The following GPC5 variants were observed in gnomAD, a reference collection of about 807,000 sequenced individuals.
GPC5 encodes the protein glypican 5.
A neutral mutation model predicts 53.9 loss-of-function variants in GPC5; 47 were observed. That is an observed-to-expected ratio of 0.87 (90% CI 0.69 to 1.11). GPC5 has a LOEUF of 1.11. GPC5 is among the 50% of genes most tolerant of loss of function. GPC5 has a pLI of 0.00. For synonymous variants in GPC5, 286 were observed against 263.3 expected (o/e 1.09, Z -0.84); for missense variants, 748 against 713.1 (o/e 1.05, Z -0.56).
At chr13:91,801,802 G>A (rs1440167234) in intron 5 of GPC5, among the ~76,000 whole-genome samples, 1 of 152,132 alleles carries the variant, frequency 6.6e-6, no homozygotes, top group Non-Finnish European at 1.5e-5. Flanking sequence ...ATAGTTAGTT[G>A]CACCAGTATT....
At chr13:92,584,268 C>A (rs1487879675) in intron 7 of GPC5, among the ~76,000 whole-genome samples, 1 of 152,058 alleles carries the variant, frequency 6.6e-6, no homozygotes, top group Non-Finnish European at 1.5e-5. Flanking sequence ...AACCAAAAGC[C>A]TGATAGTGAT....
At chr13:91,489,516 T>C (rs939909839) in intron 2 of GPC5, among the ~76,000 whole-genome samples, 5 of 152,054 alleles carry the variant, frequency 3.3e-5, no homozygotes, top group Non-Finnish European at 5.9e-5. Flanking sequence ...TTAATAAATA[T>C]GGTTAAGTTA....
intron 2 of GPC5, among the ~76,000 whole-genome samples, chr13:91,482,386 G>A (rs1488676506): frequency 6.6e-6 from 1 of 152,168 alleles, no homozygotes; most frequent in East Asian, 1.9e-4. Flanking sequence ...CTCTAGTACT[G>A]TGAGGAATAC....
intron 7 of GPC5, among the ~76,000 whole-genome samples, chr13:92,237,090 A>C (rs2042576098): frequency 6.6e-6 from 1 of 152,178 alleles, no homozygotes. Flanking sequence ...GGGAACTGAC[A>C]TCATGTTCTG....
At chr13:92,285,798 A>G (rs896542550) in intron 7 of GPC5, among the ~76,000 whole-genome samples, 11 of 152,182 alleles carry the variant, frequency 7.2e-5, no homozygotes, top group Non-Finnish European at 1.2e-4. Context: ...CTAGAAGAAA[A>G]CCTAGGCAAC....
At chr13:91,511,315 T>C (rs575791384) in intron 2 of GPC5, among the ~76,000 whole-genome samples, 5 of 152,196 alleles carry the variant, frequency 3.3e-5, no homozygotes, top group Non-Finnish European at 5.9e-5. Context: ...TATATTTTCT[T>C]TCTCTTTGGT....
intron 7 of GPC5, among the ~76,000 whole-genome samples, chr13:92,423,078 C>A (rs1876655530): frequency 6.6e-6 from 1 of 151,088 alleles, no homozygotes; most frequent in Non-Finnish European, 1.5e-5. Context: ...CTTCCTGGTT[C>A]ATAGATGACT....
intron 2 of GPC5, among the ~76,000 whole-genome samples, chr13:91,467,773 C>A (rs898868659): frequency 1.3e-5 from 2 of 152,096 alleles, no homozygotes; most frequent in Non-Finnish European, 2.9e-5. Context: ...AAGTTGTCTT[C>A]TTGGCAATGA....
chr13:91,616,283 C>T (rs978136368), intron 2 of GPC5, among the ~76,000 whole-genome samples: 5 of 151,796 alleles, frequency 3.3e-5, no homozygotes, highest in Admixed American at 3.3e-4. Flanking sequence ...CTCTTATGAA[C>T]TATTTAAAGA....
intron 6 of GPC5, among the ~76,000 whole-genome samples, chr13:92,127,515 G>T (rs1397653919): frequency 6.6e-6 from 1 of 152,080 alleles, no homozygotes; most frequent in Non-Finnish European, 1.5e-5. Flanking sequence ...AGGGTTCAAG[G>T]AGTAGAAACA....
intron 4 of GPC5, among the ~76,000 whole-genome samples, chr13:91,732,595 G>T (rs2036725063): frequency 1.3e-5 from 2 of 151,844 alleles, no homozygotes; most frequent in Admixed American, 1.3e-4. Flanking sequence ...GATGTCTTTG[G>T]CCATGCCTAT....
intron 7 of GPC5, among the ~76,000 whole-genome samples, chr13:92,590,521 C>G (rs149852528): frequency 5.5e-4 from 84 of 152,332 alleles, no homozygotes; most frequent in African/African-American, 1.9e-3. Context: ...CACTGCTTTT[C>G]TCATGGTGGT....
Position 91,739,009 on chromosome 13 carries a change from C to T in GPC5, c.1154+10344C>T, listed in dbSNP as rs148906613. 7.2e-3 allele frequency among the ~76,000 whole-genome samples: 1,089 copies of T among 151,452 alleles called. 26 individuals carry two copies. Among genetic ancestry groups the T allele is most frequent in the Admixed American group, 6.6e-3 (100 of 15,262 alleles). On this transcript the variant is annotated intron_variant, in intron 4 of 7. Transcript: ENST00000377067. ...TTAGTATAGCTTTTGTTGATTATTACAGGTGATGAATTTTTGCAGCTTTCA... is the reference window on the plus strand; with the variant it reads ...TTAGTATAGCTTTTGTTGATTATTATAGGTGATGAATTTTTGCAGCTTTCA...
chr13:91,496,846 G>T (rs144092409), intron 2 of GPC5, among the ~76,000 whole-genome samples: 3 of 152,076 alleles, frequency 2.0e-5, no homozygotes, highest in Non-Finnish European at 2.9e-5. Context: ...TGATGTGAAT[G>T]TTACACATTG....
Position 92,238,579 on chromosome 13 carries a change from T to A in GPC5, c.1561+93590T>A, listed in dbSNP as rs147793177. ...TCTTTTTGTTATGGAGTTATAAGAG[T>A]CCTTATGTATTCTAGACACAAGTCC... On this transcript the variant is annotated intron_variant, in intron 7 of 7. Coordinates refer to ENST00000377067, the MANE Select transcript of GPC5 (RefSeq NM_004466.6). 3.4e-3 allele frequency among the ~76,000 whole-genome samples: 517 copies of A among 152,160 alleles called. 6 individuals carry two copies. The highest frequency in any genetic ancestry group is 0.012 in the African/African-American group (503 of 41,544).
intron 7 of GPC5, among the ~76,000 whole-genome samples, chr13:92,439,744 C>T (rs1877471270): frequency 6.6e-6 from 1 of 152,040 alleles, no homozygotes; most frequent in Admixed American, 6.6e-5. Flanking sequence ...ATTTAGTTGA[C>T]CTCAAAATTA....
intron 6 of GPC5, among the ~76,000 whole-genome samples, chr13:91,987,112 C>T (rs111860254): frequency 0.026 from 3,967 of 152,254 alleles, 176 homozygotes; most frequent in African/African-American, 0.09. Flanking sequence ...GACGTTATGG[C>T]AAGGAATGTG....
intron 2 of GPC5, among the ~76,000 whole-genome samples, chr13:91,534,439 A>G (rs1886493692): frequency 6.6e-6 from 1 of 152,220 alleles, no homozygotes; most frequent in African/African-American, 2.4e-5. Flanking sequence ...TTTATAATGT[A>G]AAGTGTTTGA....
At chr13:92,052,649 A>G (rs545230879) in intron 6 of GPC5, among the ~76,000 whole-genome samples, 3 of 152,192 alleles carry the variant, frequency 2.0e-5, no homozygotes, top group South Asian at 2.1e-4. Context: ...CTTTAGCTAG[A>G]CACAGAGTGC....
Sources: gnomAD v4.1 joint callset for allele counts (sites outside exome capture counted in the v4.1 genomes callset) on GRCh38, gnomAD v4.1.1 for gene constraint, MANE v1.5 for transcripts, NCBI Gene and HGNC (gene_info 2026-07-23, HGNC 2026-07-21) for gene names.